The following CUL4B variants were observed in gnomAD, a reference collection of about 807,000 sequenced individuals.
CUL4B encodes the protein cullin-4B.
Under a neutral mutation model 69.2 loss-of-function variants are expected in CUL4B, and 1 was observed. That is an observed-to-expected ratio of 0.01 (90% CI 0.01 to 0.07). CUL4B has a LOEUF of 0.07. Ranked by LOEUF, CUL4B falls within the 10% of genes least tolerant of loss-of-function variation. The pLI is 1.00. For synonymous variants in CUL4B, 237 were observed against 223.2 expected, an observed-to-expected ratio of 1.06 and a Z score of -0.55; for missense variants, 328 against 638.8, an observed-to-expected ratio of 0.51 and a Z score of 5.24.
At chrX:120,565,468 G>C (rs974792484), upstream of CUL4B, among the ~76,000 whole-genome samples, 30 of 108,416 alleles carry the variant, frequency 2.8e-4, no homozygotes, top group African/African-American at 9.7e-4. Flanking sequence ...TGGATCACTT[G>C]GCCAGGAGTT....
intron 15 of CUL4B, 99 bp from the exon 16 acceptor site, chrX:120,536,042 T>C: frequency 1.7e-6 from 1 of 599,786 alleles, no homozygotes; most frequent in East Asian, 3.4e-5. Context: ...TGGAAAATTT[T>C]AAGACTATAT....
At chrX:120,552,856 C>T (rs749303244) in intron 2 of CUL4B, among the ~76,000 whole-genome samples, 17 of 111,941 alleles carry the variant, frequency 1.5e-4, no homozygotes, top group African/African-American at 5.5e-4. Context: ...AAGCACATAA[C>T]AAAAAATTCA....
At chrX:120,527,858 T>C (rs1023825381) in intron 19 of CUL4B, among the ~76,000 whole-genome samples, 2 of 112,157 alleles carry the variant, frequency 1.8e-5, no homozygotes, top group Non-Finnish European at 3.8e-5. Flanking sequence ...CATTAAACTG[T>C]CACATCCTTG....
In CUL4B at chrX:120,542,065, T is replaced by G. The variant is rs1428535119; in HGVS notation, c.1325-345A>C. Among the ~76,000 whole-genome samples the G allele has an allele frequency of 3.6e-5, 4 of 110,725 alleles. No individual in the cohort carries two copies. The East Asian group carries it at 1.1e-3, about 31-fold the overall frequency. ...GCACAACAGTAAGACCCCCTCCCCC[T>G]CTCTATTTTAATTCAAAAAGTTAAA... On this transcript the variant is annotated intron_variant, in intron 9 of 19. Coordinates refer to ENST00000371322, the MANE Select transcript of CUL4B (RefSeq NM_001079872.2).
At chrX:120,539,457 T>C (rs1275391343) in intron 11 of CUL4B, 85 bp from the exon 12 acceptor site, 4 of 495,151 alleles carry the variant, frequency 8.1e-6, no homozygotes, top group African/African-American at 7.2e-5. Context: ...AGGAGTATGA[T>C]ACACTGAGTT....
chrX:120,537,818 G>A (rs1460170878), intron 14 of CUL4B, among the ~76,000 whole-genome samples: 1 of 111,686 alleles, frequency 9.0e-6, no homozygotes, highest in African/African-American at 3.3e-5. Flanking sequence ...CTCTGAACAT[G>A]CAAATTACCA....
intron 18 of CUL4B, among the ~76,000 whole-genome samples, chrX:120,530,529 T>C (rs1346158356): frequency 8.9e-6 from 1 of 112,068 alleles, no homozygotes; most frequent in Admixed American, 9.5e-5. Flanking sequence ...TAGAGATAGC[T>C]GATGTGGAAT....
chrX:120,530,981 T>C (rs1923277369), intron 18 of CUL4B, among the ~76,000 whole-genome samples: 1 of 111,695 alleles, frequency 9.0e-6, no homozygotes, highest in Admixed American at 9.5e-5. Context: ...TTGATGTGTA[T>C]GTGAAAATGA....
Position 120,534,515 on chromosome X carries a change from G to A in CUL4B, c.2232C>T (p.Phe744=). The A allele has an allele frequency of 8.3e-7, 1 of 1,207,580 alleles. No homozygotes were observed. The highest frequency in any genetic ancestry group is 1.1e-6 in the Non-Finnish European group (1 of 892,394). Residue 744 remains phenylalanine (F), a synonymous_variant, in exon 17 of 20, where the codon TTC becomes TTT. Coordinates refer to ENST00000371322, the MANE Select transcript of CUL4B (RefSeq NM_001079872.2). ...TTGCCTGCTTGATCTCTTCTAAACT[G>A]AACTCCTCTCCCTCATTAAACATTA... is the stretch of plus-strand genomic sequence containing the variant. The part of the protein sequence containing the change: ...VLLMFNEGEE[F]SLEEIKQATG...
At chrX:120,557,270 T>A (rs965129413) in intron 2 of CUL4B, among the ~76,000 whole-genome samples, 2 of 111,512 alleles carry the variant, frequency 1.8e-5, no homozygotes, top group African/African-American at 6.5e-5. Context: ...CTTGAATTGG[T>A]TGTGTGTCAA....
Position 120,558,092 on chromosome X carries a change from C to G in CUL4B, c.557-53G>C, listed in dbSNP as rs907289616. 1.2e-4 allele frequency: 84 copies of G among 714,936 alleles called. 1 individual carries two copies. The highest frequency in any genetic ancestry group is 1.8e-4 in the Non-Finnish European group (83 of 455,167). 58.9% of individuals were successfully genotyped at this position (714,936 alleles called of 1,213,427 possible). On this transcript the variant is annotated intron_variant, in intron 1 of 19. Transcript: ENST00000371322. ...AGAATACCATGTCAGATACAGTAAC[C>G]AAAGATTCATAAAATATAATAGCAT...
chrX:120,569,590 G>C (rs921408025), downstream of CUL4B, among the ~76,000 whole-genome samples: 3 of 111,536 alleles, frequency 2.7e-5, no homozygotes, highest in Admixed American at 2.9e-4. Flanking sequence ...TCGATCTCCT[G>C]ACCTTGTGAT....
chrX:120,532,092 A>G, intron 18 of CUL4B, among the ~76,000 whole-genome samples: 1 of 112,119 alleles, frequency 8.9e-6, no homozygotes, highest in Middle Eastern at 4.6e-3. Context: ...CCCAAAATGA[A>G]CAGTGGTTGA....
intron 14 of CUL4B, 135 bp downstream of exon 14, chrX:120,537,989 C>T (rs1923768195): frequency 8.9e-6 from 4 of 447,549 alleles, no homozygotes; most frequent in Admixed American, 4.2e-5. Flanking sequence ...ATTTTTTTTT[C>T]TACTGTGAAT....
upstream of CUL4B, chrX:120,561,443 G>T: frequency 7.4e-6 from 4 of 539,647 alleles, no homozygotes; most frequent in East Asian, 3.4e-5. Flanking sequence ...GACTTGAGTG[G>T]GGGGGGGAAG....
chrX:120,538,353 A>G, intron 13 of CUL4B, 144 bp from the exon 14 acceptor site: 1 of 433,622 alleles, frequency 2.3e-6, no homozygotes, highest in Non-Finnish European at 3.9e-6. Flanking sequence ...CTTACCCCAA[A>G]GTGTATGCCC....
Position 120,543,794 on chromosome X carries a change from G to A in CUL4B, c.1189C>T (p.His397Tyr), listed in dbSNP as rs151254898. The A allele has an allele frequency of 8.4e-7, 1 of 1,189,414 alleles. No homozygotes were observed. Among genetic ancestry groups the A allele is most frequent in the Non-Finnish European group, 1.1e-6 (1 of 875,414 alleles). ...TCTTCTAGACGTTTGTTAACATGAT[G>A]TAGATATTCAGGAACCTACAAAGAT... is the stretch of plus-strand genomic sequence containing the variant. ...MQEREVPEYLHHVNKRLEEEA... is the reference protein window; with the variant it reads ...MQEREVPEYLYHVNKRLEEEA... Residue 397 changes from histidine to tyrosine, a missense_variant, in exon 8 of 20, where the codon CAT becomes TAT. By Grantham distance (83) the His-to-Tyr change is moderately conservative. Around this residue, in one of 4 missense-constraint regions of CUL4B, gnomAD observed 126 missense variants for 202.5 expected, o/e 0.62. Transcript: ENST00000371322.
intron 9 of CUL4B, 54 bp downstream of exon 9, chrX:120,542,912 T>A: frequency 2.3e-6 from 2 of 880,920 alleles, no homozygotes; most frequent in Non-Finnish European, 1.7e-6. Context: ...AATTCCCTAC[T>A]AGTTTGCCAC....
Position 120,560,381 on chromosome X carries a change from C to T in CUL4B, c.258G>A (p.Gly86=). Residue 86 remains glycine, a synonymous_variant, in exon 1 of 20, where the codon GGG becomes GGA. Coordinates refer to ENST00000371322, the MANE Select transcript of CUL4B (RefSeq NM_001079872.2). The part of the protein sequence containing the change: ...ASPSTSSFCL[G]VSVAASSHVP... ...CGTGGCTGGAAGCAGCCACTGAAAC[C>T]CCCAGGCAGAAGGACGAGGTTGAAG... The T allele has an allele frequency of 2.5e-6, 3 of 1,207,457 alleles. No homozygotes were observed. The highest frequency in any genetic ancestry group is 3.4e-6 in the Non-Finnish European group (3 of 892,949).
Sources: gnomAD v4.1 joint callset for allele counts (sites outside exome capture counted in the v4.1 genomes callset) on GRCh38, gnomAD v4.1.1 for gene constraint, gnomAD v4.1.1 regional missense constraint, MANE v1.5 for transcripts, NCBI Gene and HGNC (gene_info 2026-07-23, HGNC 2026-07-21) for gene names.